CD4: variants seen among roughly 807,000 people sequenced by gnomAD.
CD4 encodes CD4 molecule.
CD4 carries 25 observed loss-of-function variants against 50.5 expected under a neutral mutation model. The observed-to-expected ratio is 0.49, with a 90% confidence interval of 0.36 to 0.69. The LOEUF is 0.69. CD4 is among the 30% of genes least tolerant of loss of function. CD4 has a pLI of 0.00. For synonymous variants in CD4, 207 were observed against 221.9 expected (o/e 0.93, Z 0.60); for missense variants, 456 against 548.5 (o/e 0.83, Z 1.68).
intron 1 of CD4, among the ~76,000 whole-genome samples, chr12:6,797,727 TTA>T (rs1266180485): frequency 6.6e-6 from 1 of 152,172 alleles, no homozygotes; most frequent in East Asian, 1.9e-4. Context: ...TGTGCTAGAT[TTA>T]TGTTTAACTT....
chr12:6,792,490 A>C lies in CD4; in HGVS notation c.-68+2828A>C, dbSNP rs1310876883. ...GTGTGTGATTGTGGATTGTGTGTGCATAGCTGTTGCTTTAACAAGCTGCTC... is the reference window on the plus strand; with the variant it reads ...GTGTGTGATTGTGGATTGTGTGTGCCTAGCTGTTGCTTTAACAAGCTGCTC... On this transcript the variant is annotated intron_variant, in intron 1 of 9. Coordinates refer to ENST00000011653, the MANE Select transcript of CD4 (RefSeq NM_000616.5). The surrounding 1 kb of genome is among the most constrained non-coding windows in gnomAD (Gnocchi z 4.1). Among the ~76,000 whole-genome samples the C allele has an allele frequency of 6.6e-6, 1 of 151,974 alleles. No individual in the cohort carries two copies. Among genetic ancestry groups the C allele is most frequent in the East Asian group, 1.9e-4 (1 of 5,174 alleles).
In CD4 at chr12:6,814,945, T is replaced by C; in HGVS notation, c.560T>C (p.Leu187Ser). The change falls in exon 5 of 10, where the codon TTG becomes TCG. Residue 187 changes from leucine to serine, a missense_variant. By Grantham distance (145) the Leu-to-Ser change is moderately radical (BLOSUM62 -2). Transcript: ENST00000011653. ...AGTGGCACCTGGACATGCACTGTCT[T>C]GCAGAACCAGAAGAAGGTGGAGTTC... ...QDSGTWTCTV[L>S]QNQKKVEFKI... 1 of 1,613,530 alleles carries C rather than the reference T, an allele frequency of 6.2e-7. No homozygotes were observed. The highest frequency in any genetic ancestry group is 8.5e-7 in the Non-Finnish European group (1 of 1,179,694).
intron 3 of CD4, among the ~76,000 whole-genome samples, chr12:6,808,963 A>G (rs1591556081): frequency 6.6e-6 from 1 of 152,258 alleles, no homozygotes; most frequent in African/African-American, 2.4e-5. Flanking sequence ...TGCCTATGAG[A>G]TTAAAACAAT....
intron 9 of CD4, 110 bp downstream of exon 9, chr12:6,819,024 GAGGA>G (rs1165678128): frequency 9.1e-6 from 7 of 769,272 alleles, no homozygotes; most frequent in Non-Finnish European, 1.3e-5. Flanking sequence ...GGATGGAGAG[GAGGA>G]AGGAGTTGAG....
chr12:6,798,498 C>T (rs1352651905), intron 1 of CD4, among the ~76,000 whole-genome samples: 1 of 152,070 alleles, frequency 6.6e-6, no homozygotes, highest in Admixed American at 6.6e-5. Context: ...GCCCTAGATC[C>T]ATTAAACCTT....
At chr12:6,800,024 T>G (rs1942488212) in intron 1 of CD4, 48 bp from the exon 2 acceptor site, 3 of 931,820 alleles carry the variant, frequency 3.2e-6, no homozygotes, top group Non-Finnish European at 5.2e-6. Context: ...CCCTGTATAC[T>G]CCAGGTCCAG....
rs782353658 is a variant in CD4 at position 6,814,947 on chromosome 12, C to A, written c.562C>A (p.Gln188Lys). ...DSGTWTCTVL[Q>K]NQKKVEFKID... Reference sequence around the variant, plus strand: ...TGGCACCTGGACATGCACTGTCTTGCAGAACCAGAAGAAGGTGGAGTTCAA... The same window carrying A: ...TGGCACCTGGACATGCACTGTCTTGAAGAACCAGAAGAAGGTGGAGTTCAA... The change falls in exon 5 of 10, where the codon CAG (glutamine) becomes AAG (lysine). Residue 188 changes from glutamine to lysine, a missense_variant. Physicochemically the swap from Gln to Lys is moderately conservative, Grantham distance 53 (BLOSUM62 1). Transcript: ENST00000011653. The A allele has an allele frequency of 1.2e-6, 2 of 1,613,504 alleles. No individual in the cohort carries two copies. Among genetic ancestry groups the A allele is most frequent in the South Asian group, 2.2e-5 (2 of 91,046 alleles).
rs1942182095 is a variant in CD4 at position 6,792,214 on chromosome 12, C to T, written c.-68+2552C>T. On this transcript the variant is annotated intron_variant, in intron 1 of 9. Coordinates refer to ENST00000011653, the MANE Select transcript of CD4 (RefSeq NM_000616.5). The surrounding 1 kb of genome is among the most constrained non-coding windows in gnomAD (Gnocchi z 4.1). ...GAGAAGATAAAAGTGCCTGTGGGAC[C>T]ACAGACTCTCGCTGTGGTGGAGCTG... Among the ~76,000 whole-genome samples the T allele has an allele frequency of 6.6e-6, 1 of 152,030 alleles. No homozygotes were observed. The highest frequency in any genetic ancestry group is 6.6e-5 in the Admixed American group (1 of 15,260).
intron 1 of CD4, among the ~76,000 whole-genome samples, chr12:6,793,681 TATCTATCTATCTATCTATCTATC>T (rs1312860297): frequency 3.0e-5 from 3 of 98,570 alleles, no homozygotes; most frequent in Admixed American, 9.7e-5. Context: ...TCTATCTATC[TATCTATCTATCTATCTATCTATC>T]TTTTTTTTTT....
intron 5 of CD4, 98 bp downstream of exon 5, chr12:6,815,090 GAGGTC>G (rs1943051699): frequency 1.2e-6 from 1 of 840,414 alleles, no homozygotes; most frequent in African/African-American, 1.7e-5. Context: ...CTGGTGCTGG[GAGGTC>G]AGGAGTGGAG....
In CD4 at chr12:6,803,035, GACTA is replaced by G. The variant is rs1463248516; in HGVS notation, c.214+2569_214+2572del. On this transcript the variant is annotated intron_variant, in intron 3 of 9. Coordinates refer to ENST00000011653, the MANE Select transcript of CD4 (RefSeq NM_000616.5). ...GGTGTGAGCCACCGCACTCGGCCTA[GACTA>G]ACTATTTAAAGTAATCTGGCAATGT... 5.3e-5 allele frequency among the ~76,000 whole-genome samples: 8 copies of G among 150,418 alleles called. No homozygotes were observed. In the East Asian group the frequency reaches 6.0e-4, roughly 11 times the overall value.
chr12:6,819,206 G>A (rs1591568839), intron 9 of CD4, 93 bp from the exon 10 acceptor site: 1 of 1,267,688 alleles, frequency 7.9e-7, no homozygotes, highest in Non-Finnish European at 1.2e-6. Flanking sequence ...AGCCACTGGA[G>A]CTGTGCTGCG....
chr12:6,799,448 T>C (rs1942470114), intron 1 of CD4: 1 of 152,378 alleles, frequency 6.6e-6, no homozygotes. Flanking sequence ...ATATGCACTC[T>C]GTAGGCATGA....
chr12:6,799,138 G>A (rs1942462035), intron 1 of CD4: 1 of 152,204 alleles, frequency 6.6e-6, no homozygotes, highest in Admixed American at 6.5e-5. Context: ...CTGATGTTGT[G>A]AAGTCCCAAG....
At chr12:6,808,450 CAAAAA>C (rs3032789) in intron 3 of CD4, among the ~76,000 whole-genome samples, 4 of 37,812 alleles carry the variant, frequency 1.1e-4, no homozygotes, top group East Asian at 6.3e-4. Flanking sequence ...GATTCTGTCT[CAAAAA>C]AAAAAAAAAA....
At chr12:6,793,997 TCTATCTATCAC>T (rs1942282467) in intron 1 of CD4, among the ~76,000 whole-genome samples, 1 of 151,456 alleles carries the variant, frequency 6.6e-6, no homozygotes, top group African/African-American at 2.4e-5. Context: ...TATCTATCTA[TCTATCTATCAC>T]CTATCTATCT....
intron 1 of CD4, among the ~76,000 whole-genome samples, chr12:6,798,338 T>A (rs1942436096): frequency 7.5e-6 from 1 of 133,324 alleles, no homozygotes; most frequent in East Asian, 1.9e-4. Flanking sequence ...CCCGGCTAAT[T>A]TTTTTGTATT....
In CD4 at chr12:6,818,027, C is replaced by T. The variant is rs181919668; in HGVS notation, c.1157-394C>T. Among the ~76,000 whole-genome samples the T allele has an allele frequency of 1.9e-4, 29 of 151,862 alleles. No individual in the cohort carries two copies. Among genetic ancestry groups the T allele is most frequent in the Non-Finnish European group, 1.5e-4 (10 of 67,914 alleles). On this transcript the variant is annotated intron_variant, in intron 7 of 9. Coordinates refer to ENST00000011653, the MANE Select transcript of CD4 (RefSeq NM_000616.5). This position sits in a 1 kb window ranked among gnomAD's most constrained non-coding sequence, Gnocchi z 5.0. ...GCAGTCACGCACACACATTCATACA[C>T]GCACACAGGCACACATTCACACACA...
intron 1 of CD4, among the ~76,000 whole-genome samples, chr12:6,794,542 T>C (rs1942306055): frequency 6.6e-6 from 1 of 151,550 alleles, no homozygotes; most frequent in Non-Finnish European, 1.5e-5. Context: ...CAGCTAATTT[T>C]TGTATTTTTA....
Sources: allele counts gnomAD v4.1 joint callset (sites outside exome capture counted in the v4.1 genomes callset), GRCh38; gene constraint gnomAD v4.1.1; non-coding constraint Gnocchi (gnomAD v3.1); transcripts MANE v1.5; gene names NCBI Gene and HGNC (gene_info 2026-07-23, HGNC 2026-07-21).